The following COL7A1 variants were observed in gnomAD, a reference collection of about 807,000 sequenced individuals.
COL7A1 encodes the protein collagen alpha-1(VII) chain.
Under a neutral mutation model 456.2 loss-of-function variants are expected in COL7A1, and 296 were observed. The observed-to-expected ratio is 0.65, with a 90% confidence interval of 0.59 to 0.71. The LOEUF is 0.71. COL7A1 is among the 30% of genes least tolerant of loss of function. The pLI, the probability that COL7A1 is intolerant of heterozygous loss-of-function variation, is 0.00. For synonymous variants in COL7A1, 1,464 were observed against 1,525.9 expected (o/e 0.96, Z 0.95); for missense variants, 3,441 against 4,017.2 (o/e 0.86, Z 3.88).
chr3:48,571,274 T>C lies in COL7A1; in HGVS notation c.7073A>G (p.Gln2358Arg). Residue 2358 changes from glutamine (Q) to arginine (R), a missense_variant, in exon 93 of 119, where the codon CAG (glutamine) becomes CGG (arginine). Coordinates refer to ENST00000681320, the MANE Select transcript of COL7A1 (RefSeq NM_000094.4). This position sits in a 1 kb window ranked among gnomAD's most constrained non-coding sequence, Gnocchi z 4.6. Reference sequence around the variant, plus strand: ...ACCTTTGGGTCCTGGAGCCCCTTTCTGACCCTAAGAAAACCCAGCAAACAG... The same window carrying C: ...ACCTTTGGGTCCTGGAGCCCCTTTCCGACCCTAAGAAAACCCAGCAAACAG... ...GEPGDPGEDG[Q>R]KGAPGPKGFK... The C allele has an allele frequency of 6.2e-7, 1 of 1,614,168 alleles. No individual in the cohort carries two copies. The highest frequency in any genetic ancestry group is 8.5e-7 in the Non-Finnish European group (1 of 1,180,026).
Position 48,571,373 on chromosome 3 carries a change from G to T in COL7A1, c.7069-95C>A, listed in dbSNP as rs1338652957. ...AATATTCCCAGGGGAGTTCTGATGT[G>T]ACCATGAACACATGGGAACTCAGAC... On this transcript the variant is annotated intron_variant, in intron 92 of 118. Transcript: ENST00000681320. This position sits in a 1 kb window ranked among gnomAD's most constrained non-coding sequence, Gnocchi z 4.6. 1.6e-5 allele frequency: 23 copies of T among 1,481,622 alleles called. No individual in the cohort carries two copies. The East Asian group carries it at 5.0e-4, about 32-fold the overall frequency. The allele number at this position is 1,481,622 out of a possible 1,614,324, so 91.8% of individuals were successfully genotyped here.
Position 48,564,319 on chromosome 3 carries a change from C to T in COL7A1, c.*87G>A, listed in dbSNP as rs1575413305. 1 of 1,513,794 alleles carries T rather than the reference C, an allele frequency of 6.6e-7. No individual in the cohort carries two copies. The highest frequency in any genetic ancestry group is 9.2e-7 in the Non-Finnish European group (1 of 1,089,868). 93.8% of individuals were successfully genotyped at this position (1,513,794 alleles called of 1,614,324 possible). On this transcript the variant is annotated 3_prime_UTR_variant, in exon 119 of 119. Coordinates refer to ENST00000681320, the MANE Select transcript of COL7A1 (RefSeq NM_000094.4). This position sits in a 1 kb window ranked among gnomAD's most constrained non-coding sequence, Gnocchi z 6.0. Reference sequence around the variant, plus strand: ...CACGCACGCTCACGTGCACACAAGCCTCTAGCACCAAGGGGAGGGACAGTG... The same window carrying T: ...CACGCACGCTCACGTGCACACAAGCTTCTAGCACCAAGGGGAGGGACAGTG...
Position 48,567,970 on chromosome 3 carries a change from C to T in COL7A1, c.7876-79G>A, listed in dbSNP as rs2043682777. 5 of 1,603,460 alleles carry T rather than the reference C, an allele frequency of 3.1e-6. No homozygotes were observed. The Admixed American group carries it at 8.4e-5, about 27-fold the overall frequency. Reference sequence around the variant, plus strand: ...CCCCTTCACCCTGAAACTAACTCTCCAAACAGGCCTCAGCTACTCCAACCT... The same window carrying T: ...CCCCTTCACCCTGAAACTAACTCTCTAAACAGGCCTCAGCTACTCCAACCT... On this transcript the variant is annotated intron_variant, in intron 106 of 118. Coordinates refer to ENST00000681320, the MANE Select transcript of COL7A1 (RefSeq NM_000094.4). The surrounding 1 kb of genome is among the most constrained non-coding windows in gnomAD (Gnocchi z 4.3).
Position 48,590,673 on chromosome 3 carries a change from C to T in COL7A1, c.1780G>A (p.Glu594Lys), listed in dbSNP as rs1280391085. ...GSASVLTVRR[E>K]PETPLAVPGL... ...TCCACAAGCCTCCTGCAGTACTCAC[C>T]CCGGCGGACAGTGAGGACACTGGCA... The change falls in exon 14 of 119, where the codon GAG (glutamate) becomes AAG (lysine). Residue 594 changes from glutamate to lysine, a missense_variant and splice_region_variant. Coordinates refer to ENST00000681320, the MANE Select transcript of COL7A1 (RefSeq NM_000094.4). The surrounding 1 kb of genome is among the most constrained non-coding windows in gnomAD (Gnocchi z 4.6). 3.7e-6 allele frequency: 6 copies of T among 1,613,994 alleles called. No individual in the cohort carries two copies. In the South Asian group the frequency reaches 5.5e-5, roughly 15 times the overall value.
rs2107649823 is a variant in COL7A1, at chr3:48,571,113, A to G, written c.7152T>C (p.Pro2384=). ...GGCATTGACTTACCTTCACACCTGG[A>G]GGGCCAGGAGGCCCAGGGGAGCCCG... ...GVPGSPGPPG[P]PGVKGDLGLP... The change falls in exon 94 of 119, where the codon CCT becomes CCC. Residue 2384 remains proline, a synonymous_variant. Coordinates refer to ENST00000681320, the MANE Select transcript of COL7A1 (RefSeq NM_000094.4). This position sits in a 1 kb window ranked among gnomAD's most constrained non-coding sequence, Gnocchi z 4.6. 6.2e-7 allele frequency: 1 copy of G among 1,613,786 alleles called. No homozygotes were observed. Among genetic ancestry groups the G allele is most frequent in the Non-Finnish European group, 8.5e-7 (1 of 1,179,944 alleles).
At position 48,590,145 on chromosome 3, in the gene COL7A1, A is replaced by C; in HGVS notation, c.2050+68T>G. The C allele has an allele frequency of 6.4e-7, 1 of 1,572,222 alleles. No homozygotes were observed. The highest frequency in any genetic ancestry group is 1.3e-5 in the African/African-American group (1 of 74,362). On this transcript the variant is annotated intron_variant, in intron 16 of 118. Transcript: ENST00000681320. This position sits in a 1 kb window ranked among gnomAD's most constrained non-coding sequence, Gnocchi z 4.6. ...GTTCTGGGGAGAAGCAAGGGTCTGC[A>C]AGGGAAGGCATGGGGGTCTGAAAGA...
rs769467041 is a variant in COL7A1 at position 48,588,357 on chromosome 3, C to CGCG, written c.2632_2634dup (p.Arg878dup). On this transcript the variant is annotated inframe_insertion, in exon 21 of 119. Transcript: ENST00000681320. The surrounding 1 kb of genome is among the most constrained non-coding windows in gnomAD (Gnocchi z 4.6). ...CAGCGCAGCCTCAGCGAGTGCTCCC[C>CGCG]GCGCTGCACCACGTGAAGCGTCCCC... The CGCG allele has an allele frequency of 6.2e-6, 10 of 1,612,458 alleles. No homozygotes were observed. The highest frequency in any genetic ancestry group is 8.5e-6 in the Non-Finnish European group (10 of 1,179,922).
chr3:48,589,195 C>A, intron 18 of COL7A1, 132 bp downstream of exon 18: 1 of 1,468,478 alleles, frequency 6.8e-7, no homozygotes, highest in Non-Finnish European at 9.4e-7. Context: ...GACACTTAAT[C>A]AGTGTGGGGT....
In COL7A1 at chr3:48,573,559, T is replaced by C; in HGVS notation, c.6574-2A>G. 1.2e-6 allele frequency: 2 copies of C among 1,613,984 alleles called. No homozygotes were observed. Among genetic ancestry groups the C allele is most frequent in the Non-Finnish European group, 1.7e-6 (2 of 1,179,984 alleles). ...GGGTCCTGCAGGGCCAGCAAGACCC[T>C]AGAGAAAAGGGTCAAGGGCAGGGAA... On this transcript the variant is annotated splice_acceptor_variant, in intron 82 of 118. Transcript: ENST00000681320. LOFTEE classifies it high-confidence loss of function. The surrounding 1 kb of genome is among the most constrained non-coding windows in gnomAD (Gnocchi z 5.5).
In COL7A1 at chr3:48,575,594, G is replaced by A. The variant is rs375363281; in HGVS notation, c.5979+32C>T. 110 of 1,612,542 alleles carry A rather than the reference G, an allele frequency of 6.8e-5. No individual in the cohort carries two copies. The highest frequency in any genetic ancestry group is 8.2e-5 in the Non-Finnish European group (97 of 1,180,010). Reference sequence around the variant, plus strand: ...GCTGTACAGCTACACCCCACTCCACGGGGCACAACCCACTGAGCCACTTCT... The same window carrying A: ...GCTGTACAGCTACACCCCACTCCACAGGGCACAACCCACTGAGCCACTTCT... On this transcript the variant is annotated intron_variant, in intron 73 of 118. Transcript: ENST00000681320. This position sits in a 1 kb window ranked among gnomAD's most constrained non-coding sequence, Gnocchi z 6.3.
At position 48,578,032 on chromosome 3, in the gene COL7A1, C is replaced by T. The variant is rs757249668; in HGVS notation, c.5532+289G>A. On this transcript the variant is annotated intron_variant, in intron 65 of 118. Coordinates refer to ENST00000681320, the MANE Select transcript of COL7A1 (RefSeq NM_000094.4). This position sits in a 1 kb window ranked among gnomAD's most constrained non-coding sequence, Gnocchi z 4.7. The stretch of plus-strand genomic sequence containing the variant: ...ATACAAAATTAGCCAGGCATGGTGG[C>T]GCATGCCTGTAATCCCAGTTACTCG... 1.3e-5 allele frequency among the ~76,000 whole-genome samples: 2 copies of T among 152,094 alleles called. No individual in the cohort carries two copies. Among genetic ancestry groups the T allele is most frequent in the African/African-American group, 2.4e-5 (1 of 41,402 alleles).
At position 48,584,522 on chromosome 3, in the gene COL7A1, G is replaced by A; in HGVS notation, c.4082C>T (p.Pro1361Leu). 1 of 1,614,114 alleles carries A rather than the reference G, an allele frequency of 6.2e-7. No individual in the cohort carries two copies. The highest frequency in any genetic ancestry group is 8.5e-7 in the Non-Finnish European group (1 of 1,180,010). Residue 1361 changes from proline (P) to leucine (L), a missense_variant, in exon 36 of 119, where the codon CCT becomes CTT. Coordinates refer to ENST00000681320, the MANE Select transcript of COL7A1 (RefSeq NM_000094.4). Reference sequence around the variant, plus strand: ...GTCCCCTTTCCGCCCAGGAAGCCCAGGTCCTTCACCTCCGATGACTTGTCC... The same window carrying A: ...GTCCCCTTTCCGCCCAGGAAGCCCAAGTCCTTCACCTCCGATGACTTGTCC... ...APGQVIGGEG[P>L]GLPGRKGDPG...
rs2045190474 is a variant in COL7A1 at position 48,585,641 on chromosome 3, G to A, written c.3832-22C>T. 1 of 1,614,024 alleles carries A rather than the reference G, an allele frequency of 6.2e-7. No individual in the cohort carries two copies. The highest frequency in any genetic ancestry group is 8.5e-7 in the Non-Finnish European group (1 of 1,180,018). On this transcript the variant is annotated intron_variant, in intron 31 of 118. Transcript: ENST00000681320. This position sits in a 1 kb window ranked among gnomAD's most constrained non-coding sequence, Gnocchi z 4.5. ...TGCCCTGAAAGAAGATAGCAGTTAG[G>A]TGGGGATAAGCCAGTCAGGGTGCAG... is the stretch of plus-strand genomic sequence containing the variant.
chr3:48,590,441 C>T lies in COL7A1; in HGVS notation c.1906+18G>A, dbSNP rs1033550117. The stretch of plus-strand genomic sequence containing the variant: ...TCATTGGTCCCTTTGGCAGTCCCCC[C>T]ACACACCCCACACTGACCACTGCCT... On this transcript the variant is annotated intron_variant, in intron 15 of 118. Coordinates refer to ENST00000681320, the MANE Select transcript of COL7A1 (RefSeq NM_000094.4). The surrounding 1 kb of genome is among the most constrained non-coding windows in gnomAD (Gnocchi z 4.6). 3.7e-6 allele frequency: 6 copies of T among 1,614,022 alleles called. No homozygotes were observed. The African/African-American group carries it at 8.0e-5, about 22-fold the overall frequency.
Position 48,568,743 on chromosome 3 carries a change from TCTGGAC to T in COL7A1, c.7758+35_7758+40del. The T allele has an allele frequency of 1.3e-6, 2 of 1,547,948 alleles. No individual in the cohort carries two copies. Among genetic ancestry groups the T allele is most frequent in the Non-Finnish European group, 1.7e-6 (2 of 1,143,224 alleles). The stretch of plus-strand genomic sequence containing the variant: ...GGATATGTGTGTGTGTGATGCTGGC[TCTGGAC>T]CTGGGCCTGGGCCTGGGCCTGGGGC... On this transcript the variant is annotated intron_variant, in intron 104 of 118. Transcript: ENST00000681320. The surrounding 1 kb of genome is among the most constrained non-coding windows in gnomAD (Gnocchi z 5.2).
Position 48,564,819 on chromosome 3 carries a change from G to A in COL7A1, c.8782C>T (p.Arg2928Cys), listed in dbSNP as rs1225933099. Reference protein sequence around the residue: ...RFGTREACERRCPPRVVQSQG... With the variant: ...RFGTREACERCCPPRVVQSQG... ...CTCTGGACCACCCGGGGTGGGCAGC[G>A]GCGCTCGCAGGCCTCACGGGTCCCA... The change falls in exon 118 of 119, where the codon CGC becomes TGC. Residue 2928 changes from arginine to cysteine, a missense_variant. Arg to Cys is a radical substitution (Grantham distance 180). This residue lies in a region of COL7A1 where 2,084 missense variants were observed against 2,501.3 expected (regional missense o/e 0.83). Transcript: ENST00000681320. The surrounding 1 kb of genome is among the most constrained non-coding windows in gnomAD (Gnocchi z 6.0). 18 of 1,613,872 alleles carry A rather than the reference G, an allele frequency of 1.1e-5. No individual in the cohort carries two copies. Among genetic ancestry groups the A allele is most frequent in the South Asian group, 2.2e-5 (2 of 91,082 alleles).
At position 48,571,705 on chromosome 3, in the gene COL7A1, A is replaced by G. The variant is rs1481573274; in HGVS notation, c.7068+296T>C. The stretch of plus-strand genomic sequence containing the variant: ...AACACAGGACCAAGGAGAGGTTCAC[A>G]AGAACTCAGGTGTGTCCTGGGATCT... On this transcript the variant is annotated intron_variant, in intron 92 of 118. Coordinates refer to ENST00000681320, the MANE Select transcript of COL7A1 (RefSeq NM_000094.4). This position sits in a 1 kb window ranked among gnomAD's most constrained non-coding sequence, Gnocchi z 4.6. 4.7e-6 allele frequency: 3 copies of G among 643,742 alleles called. No individual in the cohort carries two copies. Among genetic ancestry groups the G allele is most frequent in the African/African-American group, 3.6e-5 (2 of 56,088 alleles). 39.9% of individuals were successfully genotyped at this position (643,742 alleles called of 1,614,324 possible).
Position 48,579,575 on chromosome 3 carries a change from C to A in COL7A1, c.5235+13G>T, listed in dbSNP as rs374275376. 9.9e-6 allele frequency: 16 copies of A among 1,613,796 alleles called. No individual in the cohort carries two copies. In the African/African-American group the frequency reaches 2.1e-4, roughly 22 times the overall value. ...CTCCCATGCCTGCACCCCCGAGGAC[C>A]AATCACACTCACCCTTTCCCCAGGG... On this transcript the variant is annotated intron_variant, in intron 59 of 118. Transcript: ENST00000681320. This position sits in a 1 kb window ranked among gnomAD's most constrained non-coding sequence, Gnocchi z 4.4.
rs756865365 is a variant in COL7A1 at position 48,595,066 on chromosome 3, G to T, written c.85+9C>A. 1.3e-6 allele frequency: 2 copies of T among 1,547,334 alleles called. No homozygotes were observed. The highest frequency in any genetic ancestry group is 1.7e-6 in the Non-Finnish European group (2 of 1,145,746). ...TGCCCCGGGCCGGGTCCTCCCTTGC[G>T]GTGCCCACCTCTCTCCCTGTGCTGG... On this transcript the variant is annotated intron_variant, in intron 2 of 118. Transcript: ENST00000681320.
Sources: gnomAD v4.1 joint callset for allele counts (sites outside exome capture counted in the v4.1 genomes callset) on GRCh38, gnomAD v4.1.1 for gene constraint, gnomAD v4.1.1 regional missense constraint, Gnocchi (gnomAD v3.1) non-coding constraint, MANE v1.5 for transcripts, NCBI Gene and HGNC (gene_info 2026-07-23, HGNC 2026-07-21) for gene names.